The following CCDC150 variants were observed in gnomAD, a reference collection of about 807,000 sequenced individuals.
The protein encoded by CCDC150 is coiled-coil domain containing 150.
In CCDC150, 151 loss-of-function variants were observed where a neutral mutation model predicts 156.5. The ratio of observed to expected loss-of-function variants is 0.97; its 90% CI spans 0.85 to 1.10. The LOEUF is 1.10. Ranked by LOEUF, CCDC150 falls within the 50% of genes least tolerant of loss-of-function variation. The pLI, the probability that CCDC150 is intolerant of heterozygous loss-of-function variation, is 0.00. For missense variants in CCDC150, 1,312 were observed against 1,268.1 expected, an observed-to-expected ratio of 1.03 and a Z score of -0.53; for synonymous variants, 452 against 429.4, an observed-to-expected ratio of 1.05 and a Z score of -0.65.
intron 13 of CCDC150, among the ~76,000 whole-genome samples, chr2:196,685,036 G>A (rs2037332): frequency 0.54 from 82,329 of 151,814 alleles, 27,010 homozygotes; most frequent in East Asian, 0.79. Flanking sequence ...TAATCCATTT[G>A]TATTTAATAT....
At chr2:196,711,443 T>G (rs10203819) in intron 15 of CCDC150, among the ~76,000 whole-genome samples, 100,802 of 151,942 alleles carry the variant, frequency 0.66, 34,265 homozygotes, top group East Asian at 0.92. Context: ...AAAATTTTCC[T>G]GATTTAGGGG....
Position 196,656,861 on chromosome 2 carries a change from G to T in CCDC150, c.397+8G>T. On this transcript the variant is annotated splice_region_variant and intron_variant, in intron 3 of 27. Transcript: ENST00000389175. ...TGAATCCTCAGAAAACAGGTATAGA[G>T]ATAAGAATCATCAGAAATGTGGTCC... The T allele has an allele frequency of 6.2e-7, 1 of 1,613,196 alleles. No homozygotes were observed. The highest frequency in any genetic ancestry group is 8.5e-7 in the Non-Finnish European group (1 of 1,179,394).
rs1285710566 is a variant in CCDC150, at chr2:196,658,727, T to C, written c.577-65T>C. On this transcript the variant is annotated intron_variant, in intron 4 of 27. Coordinates refer to ENST00000389175, the MANE Select transcript of CCDC150 (RefSeq NM_001080539.2). ...GAAAAAAACCTGATTTGATCTGATATACCTATAGACAATTTCTTCCTGTCA... is the reference window on the plus strand; with the variant it reads ...GAAAAAAACCTGATTTGATCTGATACACCTATAGACAATTTCTTCCTGTCA... 1.0e-5 allele frequency: 12 copies of C among 1,197,086 alleles called. No individual in the cohort carries two copies. The East Asian group carries it at 3.0e-4, about 30-fold the overall frequency. The allele number at this position is 1,197,086 out of a possible 1,614,324, so 74.2% of individuals were successfully genotyped here. A position where few individuals can be genotyped will look rare whatever the true frequency, so the allele number is the denominator to read the frequency against.
intron 18 of CCDC150, 23 bp from the exon 19 acceptor site, chr2:196,719,474 T>C: frequency 6.3e-7 from 1 of 1,595,562 alleles, no homozygotes. Flanking sequence ...CAAATGTCTT[T>C]GTGTTGTTTC....
intron 5 of CCDC150, among the ~76,000 whole-genome samples, chr2:196,661,265 G>A (rs1052701952): frequency 6.6e-6 from 1 of 152,172 alleles, no homozygotes; most frequent in Non-Finnish European, 1.5e-5. Flanking sequence ...AAATCCTAAA[G>A]ACTTGGTGGT....
At position 196,718,508 on chromosome 2, in the gene CCDC150, A is replaced by C. The variant is rs1303481598; in HGVS notation, c.1872A>C (p.Lys624Asn). 3 of 1,607,874 alleles carry C rather than the reference A, an allele frequency of 1.9e-6. No homozygotes were observed. The East Asian group carries it at 6.7e-5, about 36-fold the overall frequency. Residue 624 changes from lysine to asparagine, a missense_variant, in exon 18 of 28, where the codon AAA becomes AAC. Coordinates refer to ENST00000389175, the MANE Select transcript of CCDC150 (RefSeq NM_001080539.2). ...QQADAHLKEV[K>N]SILERSKEEL... ...GTTTCTTTTTTCCTACTTAGGTGAA[A>C]TCTATTCTTGAAAGAAGTAAAGAGG...
rs762322633 is a variant in CCDC150 at position 196,725,980 on chromosome 2, A to G, written c.2437A>G (p.Met813Val). The G allele has an allele frequency of 1.3e-6, 2 of 1,596,422 alleles. No individual in the cohort carries two copies. Among genetic ancestry groups the G allele is most frequent in the Non-Finnish European group, 1.7e-6 (2 of 1,171,008 alleles). The change falls in exon 22 of 28, where the codon ATG (methionine) becomes GTG (valine). Residue 813 changes from methionine to valine, a missense_variant. Transcript: ENST00000389175. ...CTCTCTTCTTCAAAACAGAGACCGG[A>G]TGACTGAAGAGTCCAAAGTGGAAGC... is the stretch of plus-strand genomic sequence containing the variant. ...RQNLETFKDRMTEESKVEAEL... is the reference protein window; with the variant it reads ...RQNLETFKDRVTEESKVEAEL...
At position 196,698,024 on chromosome 2, in the gene CCDC150, T is replaced by C. The variant is rs1459055689; in HGVS notation, c.1623+2865T>C. 3.3e-5 allele frequency among the ~76,000 whole-genome samples: 5 copies of C among 152,222 alleles called. No homozygotes were observed. In the East Asian group the frequency reaches 7.7e-4, roughly 23 times the overall value. On this transcript the variant is annotated intron_variant, in intron 14 of 27. Transcript: ENST00000389175. ...AGTGATTCCCCAGTTTCTGTTTTGC[T>C]CTGTGTACTAATAATGTTTATAGTA...
intron 5 of CCDC150, among the ~76,000 whole-genome samples, chr2:196,662,241 A>T (rs1426040423): frequency 6.6e-6 from 1 of 152,214 alleles, no homozygotes; most frequent in Non-Finnish European, 1.5e-5. Flanking sequence ...TTCTAAGCTT[A>T]AAAAGAATAA....
At chr2:196,674,995 A>G (rs1172626665) in intron 10 of CCDC150, among the ~76,000 whole-genome samples, 2 of 152,166 alleles carry the variant, frequency 1.3e-5, no homozygotes, top group Non-Finnish European at 2.9e-5. Context: ...AATGAGGGTT[A>G]GAGAAGTTCA....
intron 13 of CCDC150, among the ~76,000 whole-genome samples, chr2:196,684,422 G>A (rs1385056356): frequency 6.6e-6 from 1 of 152,066 alleles, no homozygotes; most frequent in East Asian, 1.9e-4. Flanking sequence ...TACTTTGCAT[G>A]ATATCAGTCC....
chr2:196,660,799 A>G (rs1188464820), intron 5 of CCDC150, among the ~76,000 whole-genome samples: 1 of 152,236 alleles, frequency 6.6e-6, no homozygotes, highest in Non-Finnish European at 1.5e-5. Context: ...AGGAACTTTT[A>G]ATGAAGTCCA....
In CCDC150 at chr2:196,732,032, G is replaced by C; in HGVS notation, c.3070-1G>C. ...TTTAATGGTGATATTTATATGTTCA[G>C]ATAACAGCTAATCTGGAAGAAGCTC... On this transcript the variant is annotated splice_acceptor_variant, in intron 26 of 27. Transcript: ENST00000389175. LOFTEE classifies it high-confidence loss of function. The C allele has an allele frequency of 6.2e-7, 1 of 1,613,516 alleles. No individual in the cohort carries two copies. Among genetic ancestry groups the C allele is most frequent in the Non-Finnish European group, 8.5e-7 (1 of 1,179,606 alleles).
intron 13 of CCDC150, among the ~76,000 whole-genome samples, chr2:196,693,420 GT>G (rs1355998040): frequency 7.2e-5 from 11 of 152,168 alleles, no homozygotes; most frequent in Admixed American, 2.6e-4. Flanking sequence ...TATTAGTACT[GT>G]TTTAAATGGC....
chr2:196,707,682 T>C (rs1247771038), intron 15 of CCDC150, among the ~76,000 whole-genome samples: 3 of 152,232 alleles, frequency 2.0e-5, no homozygotes, highest in African/African-American at 7.2e-5. Flanking sequence ...CTGCTTTAAA[T>C]GTGTCCCAGA....
intron 13 of CCDC150, among the ~76,000 whole-genome samples, chr2:196,680,355 G>A (rs2125623868): frequency 6.6e-6 from 1 of 152,150 alleles, no homozygotes; most frequent in South Asian, 2.1e-4. Context: ...GCAGGGCGGT[G>A]ACACAATCAC....
rs765806725 is a variant in CCDC150 at position 196,646,360 on chromosome 2, T to A, written c.32T>A (p.Val11Glu). The change falls in exon 2 of 28, where the codon GTG (valine) becomes GAG (glutamate). Residue 11 changes from valine to glutamate, a missense_variant. Physicochemically the swap from Val to Glu is moderately radical, Grantham distance 121. Coordinates refer to ENST00000389175, the MANE Select transcript of CCDC150 (RefSeq NM_001080539.2). Reference sequence around the variant, plus strand: ...TCTTAGGTACATATGGAAACTACAGTGTCCAGACCGGTCCTTTCTCCAACC... The same window carrying A: ...TCTTAGGTACATATGGAAACTACAGAGTCCAGACCGGTCCTTTCTCCAACC... MDCKVHMETT[V>E]SRPVLSPTHI... is the part of the protein sequence containing the mutation. 1 of 1,613,668 alleles carries A rather than the reference T, an allele frequency of 6.2e-7. No individual in the cohort carries two copies. Among genetic ancestry groups the A allele is most frequent in the Non-Finnish European group, 8.5e-7 (1 of 1,179,716 alleles).
chr2:196,706,585 TG>T (rs1225552888), intron 15 of CCDC150, among the ~76,000 whole-genome samples: 2 of 152,238 alleles, frequency 1.3e-5, no homozygotes, highest in African/African-American at 4.8e-5. Context: ...ATCCCTGTCT[TG>T]TGCCAGTTTT....
intron 12 of CCDC150, among the ~76,000 whole-genome samples, 166 bp downstream of exon 12, chr2:196,676,897 A>C (rs544182727): frequency 4.6e-5 from 7 of 152,342 alleles, no homozygotes; most frequent in African/African-American, 1.7e-4. Context: ...TTAGCATGTG[A>C]AGTAGTCTGT....
Sources: allele counts gnomAD v4.1 joint callset (sites outside exome capture counted in the v4.1 genomes callset), GRCh38; gene constraint gnomAD v4.1.1; transcripts MANE v1.5; gene names NCBI Gene and HGNC (gene_info 2026-07-23, HGNC 2026-07-21).